SENP8: variants seen among roughly 807,000 people sequenced by gnomAD.
SENP8 encodes SUMO peptidase family member, NEDD8 specific, also known as sentrin-specific protease 8.
Under a neutral mutation model 14.4 loss-of-function variants are expected in SENP8, and 10 were observed. The observed-to-expected ratio is 0.69, with a 90% CI of 0.43 to 1.18. The LOEUF is 1.18. Among genes scored for constraint, SENP8 ranks in the 50% most tolerant of loss-of-function variants. The pLI, the probability that SENP8 is intolerant of heterozygous loss-of-function variation, is 0.00. For synonymous variants in SENP8, 94 were observed against 95.5 expected (o/e 0.98, Z 0.09); for missense variants, 202 against 249.4 (o/e 0.81, Z 1.28).
chr15:72,129,169 A>G (rs2087498430), intron 1 of SENP8, among the ~76,000 whole-genome samples: 1 of 152,236 alleles, frequency 6.6e-6, no homozygotes, highest in African/African-American at 2.4e-5. Flanking sequence ...TTATACATCT[A>G]TAAAATAGAC....
At chr15:72,132,941 C>T (rs993125500) in intron 1 of SENP8, among the ~76,000 whole-genome samples, 6 of 152,148 alleles carry the variant, frequency 3.9e-5, no homozygotes, top group Non-Finnish European at 8.8e-5. Flanking sequence ...GAGGGCAAGG[C>T]GGGCGGAACA....
chr15:72,140,038 T>C lies in SENP8; in HGVS notation c.415T>C (p.Phe139Leu). The C allele has an allele frequency of 6.2e-7, 1 of 1,614,194 alleles. No homozygotes were observed. The highest frequency in any genetic ancestry group is 8.5e-7 in the Non-Finnish European group (1 of 1,180,026). ...AKQVAEKLEA[F>L]LGRKGDKLAF... is the part of the protein sequence containing the mutation. ...GCAGGTAGCAGAGAAACTGGAGGCTTTCTTAGGCAGAAAAGGAGACAAACT... is the reference window on the plus strand; with the variant it reads ...GCAGGTAGCAGAGAAACTGGAGGCTCTCTTAGGCAGAAAAGGAGACAAACT... Residue 139 changes from phenylalanine (F) to leucine (L), a missense_variant, in exon 2 of 2, where the codon TTC becomes CTC. Physicochemically the swap from Phe to Leu is conservative, Grantham distance 22. Transcript: ENST00000340912.
In SENP8 at chr15:72,143,132, A is replaced by C. The variant is rs1436394976; in HGVS notation, c.*2870A>C. The C allele has an allele frequency of 6.6e-6, 1 of 151,808 alleles. No homozygotes were observed. The highest frequency in any genetic ancestry group is 1.5e-5 in the Non-Finnish European group (1 of 68,018). The allele number at this position is 151,808 out of a possible 1,614,324, so 9.4% of individuals were successfully genotyped here. ...AGAATCACTTGAACCTGGGAGGCGG[A>C]GGTTGCAGTGAGCTGAGATTGTGCC... is the stretch of plus-strand genomic sequence containing the variant. On this transcript the variant is annotated 3_prime_UTR_variant, in exon 2 of 2. Transcript: ENST00000340912.
intron 1 of SENP8, among the ~76,000 whole-genome samples, chr15:72,128,070 G>T (rs147895380): frequency 4.1e-4 from 62 of 152,010 alleles, no homozygotes; most frequent in Middle Eastern, 6.8e-3. Flanking sequence ...TCCATCCTGG[G>T]CAACAGAGTG....
At position 72,142,369 on chromosome 15, in the gene SENP8, C is replaced by G. The variant is rs2081386242; in HGVS notation, c.*2107C>G. The stretch of plus-strand genomic sequence containing the variant: ...ACTATAGTACCCGGTAAGTTACACA[C>G]CTGCTTGACCACATACCATTCATGT... On this transcript the variant is annotated 3_prime_UTR_variant, in exon 2 of 2. Transcript: ENST00000340912. 1 of 152,132 alleles carries G rather than the reference C, an allele frequency of 6.6e-6. No homozygotes were observed. Among genetic ancestry groups the G allele is most frequent in the Non-Finnish European group, 1.5e-5 (1 of 68,016 alleles). The allele number at this position is 152,132 out of a possible 1,614,324, so 9.4% of individuals were successfully genotyped here.
In SENP8 at chr15:72,143,084, G is replaced by C. The variant is rs2081390416; in HGVS notation, c.*2822G>C. 1 of 152,204 alleles carries C rather than the reference G, an allele frequency of 6.6e-6. No homozygotes were observed. The highest frequency in any genetic ancestry group is 2.1e-4 in the South Asian group (1 of 4,832). 9.4% of individuals were successfully genotyped at this position (152,204 alleles called of 1,614,324 possible). A position where few individuals can be genotyped will look rare whatever the true frequency, so the allele number is the denominator to read the frequency against. ...TGGTAGGTGGGCGCCTGTAATCCCA[G>C]CTACTCAGCAGGCTGAGGCAGGAGA... On this transcript the variant is annotated 3_prime_UTR_variant, in exon 2 of 2. Transcript: ENST00000340912.
intron 1 of SENP8, among the ~76,000 whole-genome samples, chr15:72,132,990 G>A (rs2081289832): frequency 6.6e-6 from 1 of 152,144 alleles, no homozygotes; most frequent in Admixed American, 6.5e-5. Context: ...GGCCAACATG[G>A]TGAAACCCCG....
intron 1 of SENP8, among the ~76,000 whole-genome samples, chr15:72,122,402 C>T (rs1044135765): frequency 2.0e-5 from 3 of 152,082 alleles, no homozygotes; most frequent in African/African-American, 7.2e-5. Flanking sequence ...GTGAAGTCCT[C>T]AAGGCCCAGG....
At position 72,139,846 on chromosome 15, in the gene SENP8, C is replaced by T; in HGVS notation, c.223C>T (p.Leu75Phe). The change falls in exon 2 of 2, where the codon CTT becomes TTT. Residue 75 changes from leucine (L) to phenylalanine (F), a missense_variant. Transcript: ENST00000340912. ...CAACCCAGCAGAGATTGCCATGTTCCTTGAACCACTGGACCTCCCCAACAA... is the reference window on the plus strand; with the variant it reads ...CAACCCAGCAGAGATTGCCATGTTCTTTGAACCACTGGACCTCCCCAACAA... Reference protein sequence around the residue: ...TSNPAEIAMFLEPLDLPNKRV... With the variant: ...TSNPAEIAMFFEPLDLPNKRV... The T allele has an allele frequency of 6.2e-7, 1 of 1,614,216 alleles. No homozygotes were observed. The highest frequency in any genetic ancestry group is 1.1e-5 in the South Asian group (1 of 91,084).
At position 72,142,115 on chromosome 15, in the gene SENP8, AACTAC is replaced by A. The variant is rs2081384708; in HGVS notation, c.*1858_*1862del. On this transcript the variant is annotated 3_prime_UTR_variant, in exon 2 of 2. Coordinates refer to ENST00000340912, the MANE Select transcript of SENP8 (RefSeq NM_145204.4). ...AAGTAAATTTATAAGTAAATTTTTAAACTACACTAGTCTTTTAAATATATATAGAA... is the reference window on the plus strand; with the variant it reads ...AAGTAAATTTATAAGTAAATTTTTAAACTAGTCTTTTAAATATATATAGAA... 1 of 152,292 alleles carries A rather than the reference AACTAC, an allele frequency of 6.6e-6. No homozygotes were observed. The highest frequency in any genetic ancestry group is 2.4e-5 in the African/African-American group (1 of 41,564). 9.4% of individuals were successfully genotyped at this position (152,292 alleles called of 1,614,324 possible).
At chr15:72,127,238 G>A (rs1241995593) in intron 1 of SENP8, among the ~76,000 whole-genome samples, 10 of 151,830 alleles carry the variant, frequency 6.6e-5, no homozygotes, top group Non-Finnish European at 1.5e-4. Flanking sequence ...GCAGGGGGAG[G>A]AAAAAAGAAT....
intron 1 of SENP8, among the ~76,000 whole-genome samples, chr15:72,120,354 G>A (rs2081154378): frequency 6.6e-6 from 1 of 152,172 alleles, no homozygotes; most frequent in African/African-American, 2.4e-5. Flanking sequence ...CCAAAAACCT[G>A]TCTATCAGAC....
chr15:72,141,466 A>G lies in SENP8; in HGVS notation c.*1204A>G, dbSNP rs2081379856. 6.6e-6 allele frequency: 1 copy of G among 152,230 alleles called. No individual in the cohort carries two copies. Among genetic ancestry groups the G allele is most frequent in the African/African-American group, 2.4e-5 (1 of 41,456 alleles). 9.4% of individuals were successfully genotyped at this position (152,230 alleles called of 1,614,324 possible). A position where few individuals can be genotyped will look rare whatever the true frequency, so the allele number is the denominator to read the frequency against. On this transcript the variant is annotated 3_prime_UTR_variant, in exon 2 of 2. Coordinates refer to ENST00000340912, the MANE Select transcript of SENP8 (RefSeq NM_145204.4). ...CAAATTAATTCTATTCCTAATGAGA[A>G]TTAGATTGCAAGGCCTATGAGACTT...
intron 1 of SENP8, among the ~76,000 whole-genome samples, chr15:72,125,803 T>G (rs1038149540): frequency 2.0e-5 from 3 of 151,812 alleles, no homozygotes; most frequent in Admixed American, 1.3e-4. Context: ...ATCTTTTTTC[T>G]TTTTTATTTA....
In SENP8 at chr15:72,125,971, G is replaced by GCA. The variant is rs374147520; in HGVS notation, c.-48+7509_-48+7510dup. Among the ~76,000 whole-genome samples the GCA allele has an allele frequency of 1.1e-3, 174 of 152,050 alleles. 1 individual carries two copies. Among genetic ancestry groups the GCA allele is most frequent in the Middle Eastern group, 3.4e-3 (1 of 294 alleles). ...CCCAAGTAACTGAGATTACAAGTAT[G>GCA]CACTACCATATCCAACTTGTTTTGT... On this transcript the variant is annotated intron_variant, in intron 1 of 1. Transcript: ENST00000340912.
At chr15:72,136,862 C>T (rs1009234586) in intron 1 of SENP8, among the ~76,000 whole-genome samples, 2 of 152,104 alleles carry the variant, frequency 1.3e-5, no homozygotes, top group East Asian at 3.9e-4. Context: ...TGTCGTGCTG[C>T]CAGGTCACTG....
rs568394493 is a variant in SENP8, at chr15:72,136,815, A to T, written c.-47-2762A>T. Among the ~76,000 whole-genome samples, 3 of 152,318 alleles carry T rather than the reference A, an allele frequency of 2.0e-5. No individual in the cohort carries two copies. The South Asian group carries it at 6.2e-4, about 32-fold the overall frequency. ...GCTTTGTTTTGCACTCTCAATCTGCATGTGACAGTTTATTGCTGTGTGATT... is the reference window on the plus strand; with the variant it reads ...GCTTTGTTTTGCACTCTCAATCTGCTTGTGACAGTTTATTGCTGTGTGATT... On this transcript the variant is annotated intron_variant, in intron 1 of 1. Transcript: ENST00000340912.
rs866041167 is a variant in SENP8, at chr15:72,143,421, G to C, written c.*3159G>C. 6.6e-6 allele frequency: 1 copy of C among 152,110 alleles called. No individual in the cohort carries two copies. Among genetic ancestry groups the C allele is most frequent in the South Asian group, 2.1e-4 (1 of 4,824 alleles). The allele number at this position is 152,110 out of a possible 1,614,324, so 9.4% of individuals were successfully genotyped here. A position where few individuals can be genotyped will look rare whatever the true frequency, so the allele number is the denominator to read the frequency against. On this transcript the variant is annotated 3_prime_UTR_variant, in exon 2 of 2. Transcript: ENST00000340912. ...GTGTAAAAAATGGCTGATAATTACT[G>C]TTATGTACAAAAGAGAAACTTATTC...
upstream of SENP8, among the ~76,000 whole-genome samples, chr15:72,114,791 T>C (rs971543665): frequency 6.6e-6 from 1 of 152,246 alleles, no homozygotes; most frequent in Non-Finnish European, 1.5e-5. Context: ...GTCAATATTG[T>C]GGTTTTTAAA....
Sources: allele counts gnomAD v4.1 joint callset (sites outside exome capture counted in the v4.1 genomes callset), GRCh38; gene constraint gnomAD v4.1.1; transcripts MANE v1.5; gene names NCBI Gene and HGNC (gene_info 2026-07-23, HGNC 2026-07-21).